The following STXBP5 variants were observed in gnomAD, a reference collection of about 807,000 sequenced individuals.
STXBP5 encodes the protein syntaxin binding protein 5, also known as syntaxin-binding protein 5.
STXBP5 carries 50 observed loss-of-function variants against 152.4 expected under a neutral mutation model. The observed-to-expected ratio is 0.33, with a 90% CI of 0.26 to 0.42. The LOEUF is 0.42. Among genes scored for constraint, STXBP5 ranks in the 10% least tolerant of loss-of-function variants. STXBP5 has a pLI of 1.00. For synonymous variants in STXBP5, 492 were observed against 494.7 expected (o/e 0.99, Z 0.07); for missense variants, 1,167 against 1,388.6 (o/e 0.84, Z 2.54).
intron 2 of STXBP5, among the ~76,000 whole-genome samples, chr6:147,225,957 C>T (rs1027730304): frequency 5.9e-5 from 9 of 152,074 alleles, no homozygotes; most frequent in South Asian, 2.1e-4. Flanking sequence ...AGGATTAGAA[C>T]GTTTTTCCAC....
rs1022726521 is a variant in STXBP5 at position 147,260,587 on chromosome 6, C to G, written c.432-28C>G. On this transcript the variant is annotated intron_variant, in intron 4 of 27. Coordinates refer to ENST00000321680, the MANE Select transcript of STXBP5 (RefSeq NM_001127715.4). ...GTAAAATTTGCCATTTTTCAAATTTCTTTTTTGAGTATATTTTTCTCTTGC... is the reference window on the plus strand; with the variant it reads ...GTAAAATTTGCCATTTTTCAAATTTGTTTTTTGAGTATATTTTTCTCTTGC... The G allele has an allele frequency of 3.1e-6, 5 of 1,612,692 alleles. No individual in the cohort carries two copies. In the East Asian group the frequency reaches 1.1e-4, roughly 36 times the overall value.
At chr6:147,251,202 CT>C (rs1445291327) in intron 4 of STXBP5, among the ~76,000 whole-genome samples, 1 of 152,148 alleles carries the variant, frequency 6.6e-6, no homozygotes, top group East Asian at 1.9e-4. Context: ...ACTCCCTCCC[CT>C]AGCCACGGGA....
intron 4 of STXBP5, among the ~76,000 whole-genome samples, chr6:147,254,437 A>G (rs1183360423): frequency 1.3e-5 from 2 of 152,258 alleles, no homozygotes; most frequent in Non-Finnish European, 2.9e-5. Flanking sequence ...GCCAAAATTG[A>G]CAAATGGGAT....
At chr6:147,208,487 C>G (rs1406993886) in intron 2 of STXBP5, among the ~76,000 whole-genome samples, 1 of 152,118 alleles carries the variant, frequency 6.6e-6, no homozygotes, top group Non-Finnish European at 1.5e-5. Context: ...TGCAGATTTA[C>G]TACAAGTGTG....
intron 21 of STXBP5, among the ~76,000 whole-genome samples, chr6:147,346,023 C>G (rs1784310742): frequency 6.6e-6 from 1 of 152,154 alleles, no homozygotes; most frequent in South Asian, 2.1e-4. Flanking sequence ...ACTGAAGAAA[C>G]CTTCTGTCAG....
At chr6:147,310,292 A>T in intron 10 of STXBP5, 54 bp downstream of exon 10, 1 of 1,320,604 alleles carries the variant, frequency 7.6e-7, no homozygotes. Context: ...TATTAAAAAA[A>T]AAAAAAAGAC....
rs761769686 is a variant in STXBP5 at position 147,315,743 on chromosome 6, C to T, written c.1623+8C>T. On this transcript the variant is annotated splice_region_variant and intron_variant, in intron 15 of 27. Transcript: ENST00000321680. ...ATCACAGAAGTCATTCCGGTAATAA[C>T]GTCTTAGTTATTTTCATGGTCAAGT... The T allele has an allele frequency of 1.4e-5, 22 of 1,603,352 alleles. No individual in the cohort carries two copies. The East Asian group carries it at 1.8e-4, about 13-fold the overall frequency.
In STXBP5 at chr6:147,314,148, T is replaced by G. The variant is rs552708243; in HGVS notation, c.1294-116T>G. 4 of 1,453,946 alleles carry G rather than the reference T, an allele frequency of 2.8e-6. No individual in the cohort carries two copies. In the East Asian group the frequency reaches 9.1e-5, roughly 33 times the overall value. The allele number at this position is 1,453,946 out of a possible 1,614,324, so 90.1% of individuals were successfully genotyped here. On this transcript the variant is annotated intron_variant, in intron 12 of 27. Coordinates refer to ENST00000321680, the MANE Select transcript of STXBP5 (RefSeq NM_001127715.4). ...TATGGAAAATAGGTTAAAAATTATT[T>G]TTGCAAGCAAAATATGTTTTTCACT...
At chr6:147,305,699 A>G (rs571025517) in intron 9 of STXBP5, among the ~76,000 whole-genome samples, 1 of 152,300 alleles carries the variant, frequency 6.6e-6, no homozygotes, top group East Asian at 1.9e-4. Context: ...GGAATTTGAT[A>G]TAGGGTCTTG....
chr6:147,353,307 G>A lies in STXBP5; in HGVS notation c.2255-16G>A, dbSNP rs750658700. The A allele has an allele frequency of 3.2e-5, 50 of 1,550,030 alleles. No homozygotes were observed. The African/African-American group carries it at 5.8e-4, about 18-fold the overall frequency. ...AAATATTCTTCAGAATTTTAAAAAT[G>A]TCTTTTATTTTTCAGCAAAGATGTC... On this transcript the variant is annotated splice_polypyrimidine_tract_variant and intron_variant, in intron 21 of 27. Transcript: ENST00000321680.
At chr6:147,232,668 A>G (rs1224819332) in intron 2 of STXBP5, among the ~76,000 whole-genome samples, 1 of 151,820 alleles carries the variant, frequency 6.6e-6, no homozygotes, top group Non-Finnish European at 1.5e-5. Context: ...ACTACCTTTC[A>G]GAATTACTGT....
In STXBP5 at chr6:147,359,322, T is replaced by G. The variant is rs1432162850; in HGVS notation, c.2544T>G (p.Ser848Arg). 6.2e-7 allele frequency: 1 copy of G among 1,612,154 alleles called. No homozygotes were observed. Among genetic ancestry groups the G allele is most frequent in the East Asian group, 2.2e-5 (1 of 44,802 alleles). The change falls in exon 23 of 28, where the codon AGT becomes AGG. Residue 848 changes from serine to arginine, a missense_variant and splice_region_variant. By Grantham distance (110) the Ser-to-Arg change is moderately radical. Around this residue, in one of 3 missense-constraint regions of STXBP5, gnomAD observed 833 missense variants for 986.3 expected, o/e 0.84. Transcript: ENST00000321680. ...RLLQPVIVSP[S>R]GTILRLKGAI... ...TTCAGCCAGTAATTGTGTCTCCAAG[T>G]GGTATGTATTGCTGCTGCACTTAGA...
intron 8 of STXBP5, among the ~76,000 whole-genome samples, chr6:147,286,577 TAAG>T (rs1264661818): frequency 2.0e-5 from 3 of 152,140 alleles, no homozygotes. Flanking sequence ...TATTAATTAT[TAAG>T]AGGAAAATGT....
At chr6:147,332,085 A>G (rs1783602572) in intron 18 of STXBP5, among the ~76,000 whole-genome samples, 1 of 152,246 alleles carries the variant, frequency 6.6e-6, no homozygotes, top group Admixed American at 6.5e-5. Context: ...AGGTTTGAAC[A>G]GAGCCTAGGT....
At chr6:147,355,447 A>G (rs568832103) in intron 22 of STXBP5, among the ~76,000 whole-genome samples, 2 of 152,268 alleles carry the variant, frequency 1.3e-5, no homozygotes, top group Non-Finnish European at 2.9e-5. Flanking sequence ...TTAATGACAA[A>G]TTTTGTCTGA....
At chr6:147,343,358 A>G (rs1289316940) in intron 21 of STXBP5, among the ~76,000 whole-genome samples, 5 of 152,154 alleles carry the variant, frequency 3.3e-5, no homozygotes, top group Non-Finnish European at 7.4e-5. Flanking sequence ...CTTACACATG[A>G]ATCTCAGTGA....
intron 21 of STXBP5, among the ~76,000 whole-genome samples, chr6:147,340,292 A>G (rs938918097): frequency 6.6e-6 from 1 of 152,036 alleles, no homozygotes; most frequent in Non-Finnish European, 1.5e-5. Flanking sequence ...AGTAACATCC[A>G]TGTTGTCTGT....
At chr6:147,206,998 G>GA (rs5880699) in intron 2 of STXBP5, among the ~76,000 whole-genome samples, 25,691 of 146,838 alleles carry the variant, frequency 0.17, 2,712 homozygotes, top group East Asian at 0.36. Flanking sequence ...GTGATAAATA[G>GA]AAAAAAAAAA....
intron 3 of STXBP5, 53 bp downstream of exon 3, chr6:147,235,384 T>G: frequency 7.0e-7 from 1 of 1,422,088 alleles, no homozygotes; most frequent in South Asian, 1.2e-5. Flanking sequence ...GGGCCACTTC[T>G]AGTCTTTCAG....
Sources: allele counts gnomAD v4.1 joint callset (sites outside exome capture counted in the v4.1 genomes callset), GRCh38; gene constraint gnomAD v4.1.1; regional missense constraint gnomAD v4.1.1; transcripts MANE v1.5; gene names NCBI Gene and HGNC (gene_info 2026-07-23, HGNC 2026-07-21).